GOLGA1: variants seen among roughly 807,000 people sequenced by gnomAD.
GOLGA1 encodes the protein golgin subfamily A member 1.
GOLGA1 carries 63 observed loss-of-function variants against 119.7 expected under a neutral mutation model. The observed-to-expected ratio is 0.53, with a 90% CI of 0.43 to 0.65. The LOEUF is 0.65. GOLGA1 is among the 30% of genes least tolerant of loss of function. The pLI is 0.00. For synonymous variants in GOLGA1, 318 were observed against 333.4 expected (o/e 0.95, Z 0.50); for missense variants, 798 against 912.8 (o/e 0.87, Z 1.62).
At position 124,882,046 on chromosome 9, in the gene GOLGA1, A is replaced by G. The variant is rs182177127; in HGVS notation, c.1966-92T>C. 18 of 961,616 alleles carry G rather than the reference A, an allele frequency of 1.9e-5. No homozygotes were observed. The African/African-American group carries it at 2.3e-4, about 12-fold the overall frequency. The allele number at this position is 961,616 out of a possible 1,614,324, so 59.6% of individuals were successfully genotyped here. On this transcript the variant is annotated intron_variant, in intron 20 of 22. Coordinates refer to ENST00000373555, the MANE Select transcript of GOLGA1 (RefSeq NM_002077.4). Reference sequence around the variant, plus strand: ...GGTTCACCTGGTCCAAACTATGATCACTATCGTAGGGCAAAAAGGGCCCCA... The same window carrying G: ...GGTTCACCTGGTCCAAACTATGATCGCTATCGTAGGGCAAAAAGGGCCCCA...
At chr9:124,882,356 T>G (rs935525632) in intron 20 of GOLGA1, among the ~76,000 whole-genome samples, 154 bp downstream of exon 20, 1 of 152,168 alleles carries the variant, frequency 6.6e-6, no homozygotes, top group African/African-American at 2.4e-5. Context: ...TGGCAGGCTG[T>G]CCCACCAGCT....
chr9:124,886,759 G>A (rs535552382), intron 19 of GOLGA1, among the ~76,000 whole-genome samples: 34 of 152,232 alleles, frequency 2.2e-4, no homozygotes, highest in Middle Eastern at 6.8e-3. Flanking sequence ...TATGAGGAGA[G>A]GCTGTGGCAC....
chr9:124,904,788 A>C (rs150126787), intron 12 of GOLGA1, among the ~76,000 whole-genome samples: 2,547 of 152,098 alleles, frequency 0.017, 72 homozygotes, highest in African/African-American at 0.059. Flanking sequence ...AAAAATACAA[A>C]AATTAGCTGG....
At chr9:124,891,608 C>A (rs911888749) in intron 15 of GOLGA1, among the ~76,000 whole-genome samples, 3 of 152,060 alleles carry the variant, frequency 2.0e-5, no homozygotes, top group Non-Finnish European at 4.4e-5. Flanking sequence ...CAGGCTTCAG[C>A]AGTCCTCGCT....
At chr9:124,901,727 A>G (rs1236637922) in intron 12 of GOLGA1, among the ~76,000 whole-genome samples, 1 of 152,076 alleles carries the variant, frequency 6.6e-6, no homozygotes, top group Non-Finnish European at 1.5e-5. Context: ...GAGCCACCGC[A>G]CCTGGTTGCT....
Position 124,889,321 on chromosome 9 carries a change from G to A in GOLGA1, c.1601-18C>T, listed in dbSNP as rs1162518437. Reference sequence around the variant, plus strand: ...GTTGTGACCTAGGTCGGGGAGGAGGGGAGGGGGCACTGTGAGCCCAGTGAC... The same window carrying A: ...GTTGTGACCTAGGTCGGGGAGGAGGAGAGGGGGCACTGTGAGCCCAGTGAC... On this transcript the variant is annotated intron_variant, in intron 17 of 22. Transcript: ENST00000373555. 2 of 1,611,990 alleles carry A rather than the reference G, an allele frequency of 1.2e-6. No homozygotes were observed. The highest frequency in any genetic ancestry group is 2.2e-5 in the East Asian group (1 of 44,826).
Position 124,881,251 on chromosome 9 carries a change from GA to G in GOLGA1, c.2142del (p.His715IlefsTer3). The G allele has an allele frequency of 6.3e-7, 1 of 1,592,404 alleles. No individual in the cohort carries two copies. The highest frequency in any genetic ancestry group is 8.6e-7 in the Non-Finnish European group (1 of 1,160,028). ...AACACTGACACAGCTTTTATAAGAT[GA>G]AAAGCCTGAAACACAGTAAGTTTTG... ...KFMSCRESEA[F>X]HLIKAVSVLL... On this transcript the variant is annotated frameshift_variant, in exon 22 of 23. Coordinates refer to ENST00000373555, the MANE Select transcript of GOLGA1 (RefSeq NM_002077.4). LOFTEE classifies it high-confidence loss of function. This position sits in a 1 kb window ranked among gnomAD's most constrained non-coding sequence, Gnocchi z 4.9.
Position 124,929,306 on chromosome 9 carries a change from T to A in GOLGA1, c.227-16A>T. 6.6e-7 allele frequency: 1 copy of A among 1,521,536 alleles called. No individual in the cohort carries two copies. Among genetic ancestry groups the A allele is most frequent in the Non-Finnish European group, 9.1e-7 (1 of 1,095,774 alleles). 94.3% of individuals were successfully genotyped at this position (1,521,536 alleles called of 1,614,324 possible). A position where few individuals can be genotyped will look rare whatever the true frequency, so the allele number is the denominator to read the frequency against. On this transcript the variant is annotated splice_polypyrimidine_tract_variant and intron_variant, in intron 4 of 22. Transcript: ENST00000373555. ...TCAGCATAGTCTTGGGTGAGGAGGG[T>A]GACGCACATACCAGAAATGGACAAA...
At chr9:124,890,541 G>A (rs1352400555) in intron 15 of GOLGA1, 63 bp from the exon 16 acceptor site, 11 of 1,211,498 alleles carry the variant, frequency 9.1e-6, no homozygotes, top group African/African-American at 1.5e-5. Flanking sequence ...TGTATGCCAC[G>A]CAAGAAGCCC....
At chr9:124,927,246 TAAGTC>T (rs1830692118) in intron 6 of GOLGA1, among the ~76,000 whole-genome samples, 1 of 152,212 alleles carries the variant, frequency 6.6e-6, no homozygotes, top group African/African-American at 2.4e-5. Flanking sequence ...GCCATCTGTG[TAAGTC>T]AAAAGAAAAA....
chr9:124,936,873 T>C (rs915562418), intron 3 of GOLGA1, among the ~76,000 whole-genome samples: 2 of 152,342 alleles, frequency 1.3e-5, no homozygotes, highest in Admixed American at 1.3e-4. Context: ...TGTGCAACTT[T>C]TATAACTTCA....
chr9:124,882,086 AC>A lies in GOLGA1; in HGVS notation c.1966-133del, dbSNP rs1829600380. The A allele has an allele frequency of 6.2e-6, 4 of 642,186 alleles. No homozygotes were observed. In the Admixed American group the frequency reaches 1.2e-4, roughly 20 times the overall value. 39.8% of individuals were successfully genotyped at this position (642,186 alleles called of 1,614,324 possible). On this transcript the variant is annotated intron_variant, in intron 20 of 22. Transcript: ENST00000373555. ...AAAGGGCCCCACCTGGGAAGGAAGC[AC>A]CTCCAGGTAGGCTTGAGGAGGGAGT...
chr9:124,900,579 C>G, intron 12 of GOLGA1, 32 bp from the exon 13 acceptor site: 1 of 1,087,054 alleles, frequency 9.2e-7, no homozygotes, highest in Non-Finnish European at 1.4e-6. Context: ...TCTTTCTGTT[C>G]ACAAGAAGCT....
intron 10 of GOLGA1, among the ~76,000 whole-genome samples, chr9:124,920,867 A>C (rs1403402234): frequency 6.6e-6 from 1 of 151,902 alleles, no homozygotes; most frequent in African/African-American, 2.4e-5. Context: ...AAAAAAAAAA[A>C]AAAAGAGAGA....
chr9:124,930,757 C>T (rs1830756640), intron 4 of GOLGA1, among the ~76,000 whole-genome samples: 1 of 152,198 alleles, frequency 6.6e-6, no homozygotes. Context: ...TGACCATGCC[C>T]TCCTCAGGCA....
At chr9:124,884,895 G>C (rs1049449970) in intron 19 of GOLGA1, among the ~76,000 whole-genome samples, 2 of 152,146 alleles carry the variant, frequency 1.3e-5, no homozygotes, top group Admixed American at 6.5e-5. Flanking sequence ...TCACCCTCGA[G>C]GGGAAAAGAA....
chr9:124,912,468 A>T (rs1453504882), intron 10 of GOLGA1, among the ~76,000 whole-genome samples: 1 of 152,230 alleles, frequency 6.6e-6, no homozygotes, highest in Non-Finnish European at 1.5e-5. Context: ...GGCTCACAGG[A>T]CAGGGACCAC....
chr9:124,907,312 C>A (rs1320520372), intron 12 of GOLGA1, among the ~76,000 whole-genome samples: 2 of 152,060 alleles, frequency 1.3e-5, no homozygotes, highest in Non-Finnish European at 2.9e-5. Flanking sequence ...TAGATCCCTA[C>A]CTAAGACCAT....
chr9:124,945,113 C>G (rs1466372377), upstream of GOLGA1: 1 of 151,968 alleles, frequency 6.6e-6, no homozygotes, highest in Non-Finnish European at 1.5e-5. Flanking sequence ...AATTGATACC[C>G]AATTTATAGT....
Sources: allele counts gnomAD v4.1 joint callset (sites outside exome capture counted in the v4.1 genomes callset), GRCh38; gene constraint gnomAD v4.1.1; non-coding constraint Gnocchi (gnomAD v3.1); transcripts MANE v1.5; gene names NCBI Gene and HGNC (gene_info 2026-07-23, HGNC 2026-07-21).